Variants in SNHG17 observed in about 807,000 individuals in gnomAD.
SNHG17 encodes the protein small nucleolar RNA host gene 17 (non-protein coding).
Position 38,434,382 on chromosome 20 carries a change from T to TCTGCACCCGCTTTGCC in SNHG17, n.308+106_308+121dup, listed in dbSNP as rs1302113571. ...GCCCGTCTCCTAAGTCACGCTTTGCTCTGCACCCGCTTTGCCAGACAGTTC... is the reference window on the plus strand; with the variant it reads ...GCCCGTCTCCTAAGTCACGCTTTGCTCTGCACCCGCTTTGCCCTGCACCCGCTTTGCCAGACAGTTC... On this transcript the variant is annotated intron_variant and non_coding_transcript_variant, in intron 2 of 8. Coordinates refer to ENST00000654008, the Ensembl canonical transcript of SNHG17. The TCTGCACCCGCTTTGCC allele has an allele frequency of 6.7e-5, 15 of 222,612 alleles. No individual in the cohort carries two copies. In the South Asian group the frequency reaches 8.5e-4, roughly 13 times the overall value. The allele number at this position is 222,612 out of a possible 1,614,324, so 13.8% of individuals were successfully genotyped here. A position where few individuals can be genotyped will look rare whatever the true frequency, so the allele number is the denominator to read the frequency against.
intron 3 of SNHG17, chr20:38,427,785 A>ATCT (rs1468710797): frequency 5.0e-5 from 8 of 160,306 alleles, no homozygotes; most frequent in African/African-American, 1.9e-4. Context: ...CAGTTTACTG[A>ATCT]TCAGAACCGT....
intron 2 of SNHG17, chr20:38,431,924 A>T (rs910215278): frequency 2.5e-6 from 2 of 808,872 alleles, no homozygotes; most frequent in South Asian, 5.6e-5. Context: ...CTTCCCAGAC[A>T]TCACGCCCAG....
At chr20:38,426,905 C>G (rs979596000) in intron 3 of SNHG17, among the ~76,000 whole-genome samples, 1 of 150,084 alleles carries the variant, frequency 6.7e-6, no homozygotes, top group African/African-American at 2.5e-5. Flanking sequence ...CTTTCTCTTT[C>G]TTACGACAAA....
rs537254692 is a variant in SNHG17, at chr20:38,423,402, G to A, written n.580-1161C>T. 6.1e-5 allele frequency among the ~76,000 whole-genome samples: 9 copies of A among 147,512 alleles called. No homozygotes were observed. In the South Asian group the frequency reaches 1.9e-3, roughly 31 times the overall value. ...GCTTAACTTCAGCCTGGGTGACAGA[G>A]GGAGACCCTGTCTCAACCAAAAAAA... On this transcript the variant is annotated intron_variant and non_coding_transcript_variant, in intron 5 of 8. Coordinates refer to ENST00000654008, the Ensembl canonical transcript of SNHG17.
chr20:38,433,853 G>A (rs372504931), intron 2 of SNHG17: 74 of 519,246 alleles, frequency 1.4e-4, no homozygotes, highest in African/African-American at 1.2e-3. Flanking sequence ...TTGAAAGATG[G>A]TGAGAAGGAG....
chr20:38,425,353 G>A lies in SNHG17; in HGVS notation n.579+582C>T, dbSNP rs770761270. 6 of 517,472 alleles carry A rather than the reference G, an allele frequency of 1.2e-5. No homozygotes were observed. The East Asian group carries it at 3.3e-4, about 28-fold the overall frequency. 32.1% of individuals were successfully genotyped at this position (517,472 alleles called of 1,614,324 possible). On this transcript the variant is annotated intron_variant and non_coding_transcript_variant, in intron 5 of 8. Transcript: ENST00000654008. ...AGGGACAAAATAGGGCAGTGAGTGA[G>A]TTGAGAGGGGAGGCACTGACAGCAG...
chr20:38,421,973 C>T (rs1428639466), intron 6 of SNHG17: 2 of 152,388 alleles, frequency 1.3e-5, no homozygotes, highest in Non-Finnish European at 2.9e-5. Context: ...AGCATATGGT[C>T]CTAACATCAT....
chr20:38,429,793 C>T lies in SNHG17; in HGVS notation n.380+1248G>A, dbSNP rs200876174. 1.9e-3 allele frequency: 986 copies of T among 517,196 alleles called. 3 individuals are homozygous for T. The highest frequency in any genetic ancestry group is 3.2e-3 in the Non-Finnish European group (829 of 259,260). 32.0% of individuals were successfully genotyped at this position (517,196 alleles called of 1,614,324 possible). ...GGCACGGGCAGCTCATGATCACTTT[C>T]GAATGCAGGGGCAGAAAGGGCAGAG... On this transcript the variant is annotated intron_variant and non_coding_transcript_variant, in intron 3 of 8. Transcript: ENST00000654008.
At chr20:38,434,064 C>T (rs899067054) in intron 2 of SNHG17, 3 of 501,822 alleles carry the variant, frequency 6.0e-6, no homozygotes, top group Non-Finnish European at 1.2e-5. Context: ...GAGGCTCACC[C>T]CCCAGGGAAG....
At chr20:38,426,935 C>G (rs1392190608) in intron 3 of SNHG17, among the ~76,000 whole-genome samples, 6 of 149,068 alleles carry the variant, frequency 4.0e-5, no homozygotes, top group African/African-American at 1.2e-4. Flanking sequence ...ACCCCCTATT[C>G]CAGGCCAATG....
chr20:38,423,188 G>T (rs1260641859), intron 5 of SNHG17, among the ~76,000 whole-genome samples: 1 of 151,564 alleles, frequency 6.6e-6, no homozygotes, highest in Non-Finnish European at 1.5e-5. Context: ...TTTAAGCCCA[G>T]GAGTTGGAGA....
At position 38,429,271 on chromosome 20, in the gene SNHG17, G is replaced by C. The variant is rs908200492; in HGVS notation, n.380+1770C>G. The C allele has an allele frequency of 1.0e-4, 16 of 155,230 alleles. 1 individual carries two copies. The highest frequency in any genetic ancestry group is 3.9e-4 in the African/African-American group (16 of 41,476). 9.6% of individuals were successfully genotyped at this position (155,230 alleles called of 1,614,324 possible). The stretch of plus-strand genomic sequence containing the variant: ...TTCTTATAGAGGCGGGGTTGCCCAG[G>C]CTGCCGTTTTTCCTTTGTCCCACAC... On this transcript the variant is annotated intron_variant and non_coding_transcript_variant, in intron 3 of 8. Coordinates refer to ENST00000654008, the Ensembl canonical transcript of SNHG17.
intron 3 of SNHG17, chr20:38,430,696 T>G (rs948811716): frequency 6.6e-6 from 1 of 152,266 alleles, no homozygotes; most frequent in African/African-American, 2.4e-5. Context: ...CACTGAGGCT[T>G]ACATAAGACT....
At chr20:38,435,104 A>T in intron 1 of SNHG17, 3 of 1,232,268 alleles carry the variant, frequency 2.4e-6, no homozygotes, top group Non-Finnish European at 3.0e-6. Flanking sequence ...TGCACCAAGG[A>T]CAGGGCCTGA....
intron 5 of SNHG17, among the ~76,000 whole-genome samples, chr20:38,425,698 T>G (rs986339557): frequency 2.0e-5 from 3 of 152,162 alleles, no homozygotes; most frequent in Non-Finnish European, 4.4e-5. Context: ...GAGAATGAGA[T>G]GGAAGATCAA....
chr20:38,429,746 T>G (rs1327359868), intron 3 of SNHG17: 2 of 516,546 alleles, frequency 3.9e-6, no homozygotes, highest in Non-Finnish European at 7.7e-6. Context: ...GCAGTTCCTC[T>G]CCCTGCACTA....
chr20:38,425,461 T>C (rs764371022), intron 5 of SNHG17: 1 of 403,988 alleles, frequency 2.5e-6, no homozygotes. Flanking sequence ...CTGCTTCTGA[T>C]TCCCAAAGAT....
At chr20:38,422,730 GA>G (rs987070133) in intron 5 of SNHG17, among the ~76,000 whole-genome samples, 2 of 152,072 alleles carry the variant, frequency 1.3e-5, no homozygotes, top group African/African-American at 2.4e-5. Flanking sequence ...CAGATGAATG[GA>G]AAAAGAAAAT....
chr20:38,425,440 A>C, intron 5 of SNHG17: 1 of 419,606 alleles, frequency 2.4e-6, no homozygotes, highest in Admixed American at 2.7e-5. Flanking sequence ...TGCAGCCTAG[A>C]ATTGCAGCAG....
Sources: allele counts gnomAD v4.1 joint callset (sites outside exome capture counted in the v4.1 genomes callset), GRCh38; gene constraint gnomAD v4.1.1; transcripts MANE v1.5; gene names NCBI Gene and HGNC (gene_info 2026-07-23, HGNC 2026-07-21).